GRAMD4: variants seen among roughly 807,000 people sequenced by gnomAD.
The protein encoded by GRAMD4 is GRAM domain containing 4, also known as GRAM domain-containing protein 4.
Under a neutral mutation model 83.9 loss-of-function variants are expected in GRAMD4, and 25 were observed. The ratio of observed to expected loss-of-function variants is 0.30; its 90% CI spans 0.22 to 0.42. The LOEUF (loss-of-function observed/expected upper bound fraction) is 0.42, where lower values mean the gene tolerates loss of function less well. Among genes scored for constraint, GRAMD4 ranks in the 10% least tolerant of loss-of-function variants. The pLI is 1.00. For missense variants in GRAMD4, 593 were observed against 788.7 expected (o/e 0.75, Z 2.97); for synonymous variants, 336 against 320.9 (o/e 1.05, Z -0.50).
At chr22:46,593,169 T>C (rs1400770256) in intron 1 of GRAMD4, among the ~76,000 whole-genome samples, 1 of 152,128 alleles carries the variant, frequency 6.6e-6, no homozygotes, top group Non-Finnish European at 1.5e-5. Context: ...TCTTTACCAG[T>C]ACCAGTAGCA....
In GRAMD4 at chr22:46,652,207, A is replaced by G. The variant is rs186572859; in HGVS notation, c.284-5980A>G. On this transcript the variant is annotated intron_variant, in intron 3 of 18. Transcript: ENST00000406902. ...CTGGATTATCTGGGGGCGCACAGTC[A>G]CCACAAAGGTTCTGAGAAGGAGATG... Among the ~76,000 whole-genome samples, 45 of 152,232 alleles carry G rather than the reference A, an allele frequency of 3.0e-4. 1 individual carries two copies. The highest frequency in any genetic ancestry group is 3.4e-3 in the Middle Eastern group (1 of 294).
At chr22:46,680,590 CCAT>C (rs1569313448), downstream of GRAMD4, among the ~76,000 whole-genome samples, 189 of 137,422 alleles carry the variant, frequency 1.4e-3, 1 homozygote, top group African/African-American at 3.0e-3. Flanking sequence ...ATCCATCCAT[CCAT>C]CCACCCACCC....
In GRAMD4 at chr22:46,678,337, A is replaced by T. The variant is rs1281509410; in HGVS notation, c.*1086A>T. 5.1e-6 allele frequency: 5 copies of T among 985,338 alleles called. No homozygotes were observed. In the African/African-American group the frequency reaches 8.7e-5, roughly 17 times the overall value. The allele number at this position is 985,338 out of a possible 1,614,324, so 61.0% of individuals were successfully genotyped here. On this transcript the variant is annotated 3_prime_UTR_variant, in exon 19 of 19. Coordinates refer to ENST00000406902, the MANE Select transcript of GRAMD4 (RefSeq NM_015124.5). ...CCTGGGCCTGCACTGCCTGCAGCCG[A>T]CATGCGACAGCGTTCCCTCCCCCGC...
chr22:46,661,566 G>T, intron 5 of GRAMD4, 124 bp downstream of exon 5: 1 of 706,338 alleles, frequency 1.4e-6, no homozygotes, highest in South Asian at 1.6e-5. Context: ...GTGGGCAGGC[G>T]GCAGGTGCTG....
At chr22:46,660,506 C>G (rs2082311317) in intron 4 of GRAMD4, among the ~76,000 whole-genome samples, 2 of 152,146 alleles carry the variant, frequency 1.3e-5, no homozygotes, top group Non-Finnish European at 2.9e-5. Context: ...ACACACTGCA[C>G]ACACACATAC....
intron 16 of GRAMD4, among the ~76,000 whole-genome samples, 197 bp downstream of exon 16, chr22:46,674,947 T>C (rs892706743): frequency 6.6e-6 from 1 of 152,246 alleles, no homozygotes; most frequent in African/African-American, 2.4e-5. Flanking sequence ...GCCTGGGCTG[T>C]ACTGCTGCCA....
At chr22:46,680,931 TACCCACCCACCC>T (rs971141833), downstream of GRAMD4, among the ~76,000 whole-genome samples, 4 of 103,712 alleles carry the variant, frequency 3.9e-5, no homozygotes, top group African/African-American at 1.5e-4. Context: ...TCCACCCATT[TACCCACCCACCC>T]ACCCACCCAG....
At position 46,608,414 on chromosome 22, in the gene GRAMD4, C is replaced by T. The variant is rs111694389; in HGVS notation, c.-49-18337C>T. Among the ~76,000 whole-genome samples, 276 of 152,344 alleles carry T rather than the reference C, an allele frequency of 1.8e-3. 1 individual carries two copies. The highest frequency in any genetic ancestry group is 5.7e-3 in the African/African-American group (239 of 41,580). On this transcript the variant is annotated intron_variant, in intron 1 of 1. Coordinates refer to the GRAMD4 transcript ENST00000431155. ...GTATTTTGGGCCGGGCATGGTGGCT[C>T]ACACCTGTAATTCCAGCACTTTGGG...
intron 1 of GRAMD4, chr22:46,587,873 G>C (rs983159734): frequency 6.0e-5 from 59 of 983,210 alleles, no homozygotes; most frequent in Non-Finnish European, 6.8e-5. Context: ...CCCGGGCGTC[G>C]GGGTGGGGCC....
At chr22:46,610,615 G>A (rs138517) in intron 1 of GRAMD4, among the ~76,000 whole-genome samples, 121,205 of 152,154 alleles carry the variant, frequency 0.8, 49,000 homozygotes, top group East Asian at 1. Flanking sequence ...AACACGTCTG[G>A]GGAACAGCCT....
At chr22:46,666,759 G>A (rs576208967) in intron 9 of GRAMD4, 66 bp from the exon 10 acceptor site, 23 of 1,365,670 alleles carry the variant, frequency 1.7e-5, no homozygotes, top group Admixed American at 1.7e-4. Context: ...CAGGGCCAGC[G>A]ATTCGATGCC....
chr22:46,604,660 T>G (rs1448560394), intron 1 of GRAMD4, among the ~76,000 whole-genome samples: 1 of 152,242 alleles, frequency 6.6e-6, no homozygotes, highest in Non-Finnish European at 1.5e-5. Flanking sequence ...TATCTATGAC[T>G]TCCTCCTTTC....
intron 1 of GRAMD4, among the ~76,000 whole-genome samples, chr22:46,614,719 G>A (rs144321399): frequency 2.2e-3 from 334 of 152,138 alleles, no homozygotes; most frequent in African/African-American, 7.4e-3. Context: ...TTGCAGATAC[G>A]TGCCGCAGGT....
downstream of GRAMD4, chr22:46,682,520 C>A (rs866643726): frequency 1.2e-6 from 1 of 835,508 alleles, no homozygotes; most frequent in Non-Finnish European, 1.4e-6. Context: ...CCAGAACCCT[C>A]GGGACTGCGA....
At chr22:46,594,997 G>A (rs185060671) in intron 1 of GRAMD4, among the ~76,000 whole-genome samples, 7 of 152,262 alleles carry the variant, frequency 4.6e-5, no homozygotes, top group Middle Eastern at 3.4e-3. Flanking sequence ...CTCTGAGTGC[G>A]GTGCCCAGTC....
chr22:46,577,980 G>T (rs1457158870), intron 1 of GRAMD4, among the ~76,000 whole-genome samples: 1 of 152,198 alleles, frequency 6.6e-6, no homozygotes, highest in Non-Finnish European at 1.5e-5. Context: ...AAGGGAGGGA[G>T]GAGAGCCAGT....
chr22:46,601,296 G>C (rs1298109801), intron 1 of GRAMD4, among the ~76,000 whole-genome samples: 1 of 152,112 alleles, frequency 6.6e-6, no homozygotes, highest in Admixed American at 6.5e-5. Context: ...CAGGGGGCAA[G>C]TGTGGGAAAG....
At chr22:46,616,376 G>A (rs2081493768), upstream of GRAMD4, among the ~76,000 whole-genome samples, 2 of 97,272 alleles carry the variant, frequency 2.1e-5, no homozygotes, top group African/African-American at 4.2e-5. Flanking sequence ...GTTCCCCTGT[G>A]TGTAGGTTCC....
intron 2 of GRAMD4, among the ~76,000 whole-genome samples, chr22:46,635,117 A>G (rs1314029310): frequency 1.4e-5 from 2 of 142,482 alleles, no homozygotes; most frequent in Non-Finnish European, 3.0e-5. Context: ...GCCCCCAGCC[A>G]CTCCTGTCCT....
Sources: gnomAD v4.1 joint callset for allele counts (sites outside exome capture counted in the v4.1 genomes callset) on GRCh38, gnomAD v4.1.1 for gene constraint, MANE v1.5 for transcripts, NCBI Gene and HGNC (gene_info 2026-07-23, HGNC 2026-07-21) for gene names.